PLEKHM2: variants seen among roughly 807,000 people sequenced by gnomAD.
The protein encoded by PLEKHM2 is pleckstrin homology domain-containing family M member 2.
In PLEKHM2, 77 loss-of-function variants were observed where a neutral mutation model predicts 116.3. The ratio of observed to expected loss-of-function variants is 0.66; its 90% CI spans 0.55 to 0.80. PLEKHM2 has a LOEUF of 0.80. Among genes scored for constraint, PLEKHM2 ranks in the 30% least tolerant of loss-of-function variants. The pLI is 0.00. For synonymous variants in PLEKHM2, 562 were observed against 571.0 expected (o/e 0.98, Z 0.22); for missense variants, 1,183 against 1,354.9 (o/e 0.87, Z 1.99).
At chr1:15,714,968 G>C (rs1641414885) in intron 1 of PLEKHM2, among the ~76,000 whole-genome samples, 3 of 152,196 alleles carry the variant, frequency 2.0e-5, no homozygotes, top group African/African-American at 7.2e-5. Flanking sequence ...TAGGCTGATG[G>C]AGCTGCCCTT....
At chr1:15,720,604 G>T in intron 6 of PLEKHM2, 3 of 378,718 alleles carry the variant, frequency 7.9e-6, no homozygotes, top group Non-Finnish European at 1.1e-5. Context: ...TCCTGTAGGA[G>T]ACCAGAGCCC....
rs1174040295 is a variant in PLEKHM2, at chr1:15,727,863, C to CT, written c.1760+32dup. 1.4e-6 allele frequency: 2 copies of CT among 1,478,046 alleles called. No individual in the cohort carries two copies. Among genetic ancestry groups the CT allele is most frequent in the South Asian group, 2.6e-5 (2 of 77,568 alleles). The allele number at this position is 1,478,046 out of a possible 1,614,324, so 91.6% of individuals were successfully genotyped here. On this transcript the variant is annotated intron_variant, in intron 9 of 19. Coordinates refer to ENST00000375799, the MANE Select transcript of PLEKHM2 (RefSeq NM_015164.4). The surrounding 1 kb of genome is among the most constrained non-coding windows in gnomAD (Gnocchi z 7.5). The stretch of plus-strand genomic sequence containing the variant: ...AAGACTCTGCAGCTGGCATGGGACT[C>CT]TCCCAGCCCTTGAAGCTGGGGACAC...
rs1374560708 is a variant in PLEKHM2 at position 15,728,738 on chromosome 1, G to A, written c.1986+5G>A. 1 of 1,606,732 alleles carries A rather than the reference G, an allele frequency of 6.2e-7. No individual in the cohort carries two copies. The highest frequency in any genetic ancestry group is 1.7e-5 in the Admixed American group (1 of 58,936). ...AATGAACTTGACTATGTGTCGGTGA[G>A]TCCAGGCCCCGCAGTTGTGCGCCTG... On this transcript the variant is annotated splice_donor_5th_base_variant and intron_variant, in intron 12 of 19. Transcript: ENST00000375799. The surrounding 1 kb of genome is among the most constrained non-coding windows in gnomAD (Gnocchi z 5.9).
intron 1 of PLEKHM2, among the ~76,000 whole-genome samples, chr1:15,711,622 A>AAAAAAAG (rs1283566697): frequency 2.0e-5 from 3 of 151,902 alleles, no homozygotes; most frequent in Non-Finnish European, 4.4e-5. Context: ...ATCTCAAAAA[A>AAAAAAAG]AAAAAAGAAA....
intron 7 of PLEKHM2, 46 bp from the exon 8 acceptor site, chr1:15,725,271 C>T: frequency 6.9e-7 from 1 of 1,446,586 alleles, no homozygotes; most frequent in Non-Finnish European, 9.5e-7. Context: ...GTCGGGGACC[C>T]CGGGGGGTGC....
In PLEKHM2 at chr1:15,728,616, G is replaced by C; in HGVS notation, c.1922-53G>C. 6.7e-7 allele frequency: 1 copy of C among 1,482,796 alleles called. No individual in the cohort carries two copies. The highest frequency in any genetic ancestry group is 1.4e-5 in the African/African-American group (1 of 72,192). 91.9% of individuals were successfully genotyped at this position (1,482,796 alleles called of 1,614,324 possible). A position where few individuals can be genotyped will look rare whatever the true frequency, so the allele number is the denominator to read the frequency against. On this transcript the variant is annotated intron_variant, in intron 11 of 19. Transcript: ENST00000375799. The surrounding 1 kb of genome is among the most constrained non-coding windows in gnomAD (Gnocchi z 5.9). ...GCTGTGTCTAAGAAAATGGGGCAGG[G>C]GGAGGGAAAAGAGGCCTGTGGGGAT...
chr1:15,727,087 G>A lies in PLEKHM2; in HGVS notation c.1015G>A (p.Ala339Thr), dbSNP rs1047914096. ...TGAGGAGGCAAGTCCACTCCACCCCGCCTGCAGCCAGAAGAAATGTGCCAA... is the reference window on the plus strand; with the variant it reads ...TGAGGAGGCAAGTCCACTCCACCCCACCTGCAGCCAGAAGAAATGTGCCAA... Reference protein sequence around the residue: ...SDEEASPLHPACSQKKCAKQG... With the variant: ...SDEEASPLHPTCSQKKCAKQG... The change falls in exon 9 of 20, where the codon GCC becomes ACC. Residue 339 changes from alanine (A) to threonine (T), a missense_variant. Physicochemically the swap from Ala to Thr is moderately conservative, Grantham distance 58 (BLOSUM62 0). This residue lies in a region of PLEKHM2 where 372 missense variants were observed against 357.2 expected (regional missense o/e 1.04). Coordinates refer to ENST00000375799, the MANE Select transcript of PLEKHM2 (RefSeq NM_015164.4). This position sits in a 1 kb window ranked among gnomAD's most constrained non-coding sequence, Gnocchi z 7.5. 8.5e-6 allele frequency: 13 copies of A among 1,537,170 alleles called. No individual in the cohort carries two copies. In the African/African-American group the frequency reaches 1.2e-4, roughly 15 times the overall value.
chr1:15,697,406 A>G lies in PLEKHM2; in HGVS notation c.60+12788A>G, dbSNP rs112817180. Among the ~76,000 whole-genome samples, 588 of 152,314 alleles carry G rather than the reference A, an allele frequency of 3.9e-3. 10 individuals are homozygous for G. The highest frequency in any genetic ancestry group is 0.013 in the African/African-American group (554 of 41,576). The stretch of plus-strand genomic sequence containing the variant: ...TCCTCGGTCCCTCCGTAAGAAGTCA[A>G]TCCCTGTGCTGAGTTCTCAGCCAGA... On this transcript the variant is annotated intron_variant, in intron 1 of 19. Transcript: ENST00000375799.
chr1:15,706,004 G>A (rs556233492), intron 1 of PLEKHM2, among the ~76,000 whole-genome samples: 5 of 152,034 alleles, frequency 3.3e-5, no homozygotes, highest in Non-Finnish European at 5.9e-5. Context: ...TGGGAGGATC[G>A]ATTGAGGCAG....
At chr1:15,694,821 G>A (rs1640960709) in intron 1 of PLEKHM2, among the ~76,000 whole-genome samples, 1 of 151,512 alleles carries the variant, frequency 6.6e-6, no homozygotes, top group Non-Finnish European at 1.5e-5. Flanking sequence ...GCAGTGGTGT[G>A]ATTTCTGCTC....
intron 1 of PLEKHM2, among the ~76,000 whole-genome samples, chr1:15,694,760 T>G (rs1367499655): frequency 6.6e-6 from 1 of 151,760 alleles, no homozygotes; most frequent in Admixed American, 6.6e-5. Context: ...TGTTTTGTTT[T>G]TTTTTTTTGT....
intron 1 of PLEKHM2, among the ~76,000 whole-genome samples, chr1:15,712,274 A>G (rs891317726): frequency 6.6e-6 from 1 of 152,218 alleles, no homozygotes; most frequent in Admixed American, 6.5e-5. Context: ...GAGAAGTACA[A>G]TTTAAAACAG....
At chr1:15,709,149 G>T (rs1452113224) in intron 1 of PLEKHM2, among the ~76,000 whole-genome samples, 1 of 152,184 alleles carries the variant, frequency 6.6e-6, no homozygotes. Context: ...GATGCACAGA[G>T]TGTGCACTCA....
At chr1:15,692,314 T>C (rs1019442545) in intron 1 of PLEKHM2, among the ~76,000 whole-genome samples, 1 of 152,150 alleles carries the variant, frequency 6.6e-6, no homozygotes, top group Non-Finnish European at 1.5e-5. Flanking sequence ...TTACATAAAA[T>C]AGTATCTACA....
intron 1 of PLEKHM2, among the ~76,000 whole-genome samples, chr1:15,685,540 T>TGAAAAAAAAAAAAAAAAAAAGAAAAAAA (rs1553157082): frequency 2.7e-5 from 1 of 36,532 alleles, no homozygotes; most frequent in African/African-American, 1.5e-4. Context: ...TCTCAGAAAC[T>TGAAAAAAAAAAAAAAAAAAAGAAAAAAA]GAAAAAAAAA....
chr1:15,684,537 T>C lies in PLEKHM2; in HGVS notation c.-22T>C, dbSNP rs757531724. 2.2e-5 allele frequency: 26 copies of C among 1,174,452 alleles called. No homozygotes were observed. Among genetic ancestry groups the C allele is most frequent in the African/African-American group, 1.6e-4 (10 of 60,968 alleles). The allele number at this position is 1,174,452 out of a possible 1,614,324, so 72.8% of individuals were successfully genotyped here. On this transcript the variant is annotated 5_prime_UTR_variant, in exon 1 of 20. Transcript: ENST00000375799. ...GCGGCGGCGGCGGTGGCGGTGGCGG[T>C]GGCGGCGACGGTGGCAGCGCCATGG...
chr1:15,699,525 T>C (rs1641068808), intron 1 of PLEKHM2, among the ~76,000 whole-genome samples: 1 of 152,216 alleles, frequency 6.6e-6, no homozygotes. Flanking sequence ...CATGAACTCA[T>C]CCTTTTTGAT....
intron 1 of PLEKHM2, among the ~76,000 whole-genome samples, chr1:15,684,859 G>A (rs1640732839): frequency 1.3e-5 from 2 of 152,068 alleles, no homozygotes; most frequent in South Asian, 4.1e-4. Flanking sequence ...CCCCAAACCT[G>A]GCCCGGGGCC....
Position 15,728,607 on chromosome 1 carries a change from T to TG in PLEKHM2, c.1922-58dup. 7.0e-7 allele frequency: 1 copy of TG among 1,432,782 alleles called. No individual in the cohort carries two copies. 88.8% of individuals were successfully genotyped at this position (1,432,782 alleles called of 1,614,324 possible). A position where few individuals can be genotyped will look rare whatever the true frequency, so the allele number is the denominator to read the frequency against. ...AGAGAGGGGGCTGTGTCTAAGAAAATGGGGCAGGGGGAGGGAAAAGAGGCC... is the reference window on the plus strand; with the variant it reads ...AGAGAGGGGGCTGTGTCTAAGAAAATGGGGGCAGGGGGAGGGAAAAGAGGCC... On this transcript the variant is annotated intron_variant, in intron 11 of 19. Transcript: ENST00000375799. The surrounding 1 kb of genome is among the most constrained non-coding windows in gnomAD (Gnocchi z 5.9).
Sources: gnomAD v4.1 joint callset for allele counts (sites outside exome capture counted in the v4.1 genomes callset) on GRCh38, gnomAD v4.1.1 for gene constraint, gnomAD v4.1.1 regional missense constraint, Gnocchi (gnomAD v3.1) non-coding constraint, MANE v1.5 for transcripts, NCBI Gene and HGNC (gene_info 2026-07-23, HGNC 2026-07-21) for gene names.